Variants in SLC26A5 observed in about 807,000 individuals in gnomAD.
SLC26A5 encodes prestin.
In SLC26A5, 51 loss-of-function variants were observed where a neutral mutation model predicts 81.0. The observed-to-expected ratio is 0.63, with a 90% CI of 0.50 to 0.80. The LOEUF (loss-of-function observed/expected upper bound fraction) is 0.80. Among genes scored for constraint, SLC26A5 ranks in the 30% least tolerant of loss-of-function variants. The probability of loss-of-function intolerance (pLI) is 0.00; values close to 1 mark genes in which losing one functional copy is unlikely to be tolerated. For missense variants in SLC26A5, 771 were observed against 905.8 expected (o/e 0.85, Z 1.91); for synonymous variants, 325 against 332.8 (o/e 0.98, Z 0.25).
intron 19 of SLC26A5, chr7:103,364,348 A>G: frequency 1.2e-6 from 2 of 1,601,994 alleles, no homozygotes; most frequent in Middle Eastern, 1.7e-4. Context: ...CTTGTGAAAG[A>G]TTTTACAGTA....
chr7:103,410,270 T>C, intron 7 of SLC26A5, 115 bp downstream of exon 7: 1 of 914,050 alleles, frequency 1.1e-6, no homozygotes. Context: ...TCCCTTTTTA[T>C]GGAAATTACT....
intron 19 of SLC26A5, among the ~76,000 whole-genome samples, chr7:103,364,999 T>G (rs764466192): frequency 2.5e-5 from 3 of 121,044 alleles, no homozygotes; most frequent in Non-Finnish European, 3.4e-5. Context: ...AGAATAAGTC[T>G]AGGGCTATAT....
In SLC26A5 at chr7:103,393,075, T is replaced by C. The variant is rs1004099690; in HGVS notation, c.972-9A>G. ...TGGCTGGAGGTAGCAGCCTGAAAAG[T>C]CAAGCTGCCTTTAACTTGTGTTGTG... On this transcript the variant is annotated splice_polypyrimidine_tract_variant and intron_variant, in intron 9 of 19. Transcript: ENST00000306312. The C allele has an allele frequency of 1.9e-6, 3 of 1,613,616 alleles. No individual in the cohort carries two copies. Among genetic ancestry groups the C allele is most frequent in the East Asian group, 2.2e-5 (1 of 44,884 alleles).
At chr7:103,438,591 G>A (rs560601761) in intron 2 of SLC26A5, among the ~76,000 whole-genome samples, 1 of 152,046 alleles carries the variant, frequency 6.6e-6, no homozygotes, top group South Asian at 2.1e-4. Context: ...GACTTCAAGC[G>A]ATCCACCCAC....
At chr7:103,445,827 C>G (rs1827264518) in intron 1 of SLC26A5, 1 of 153,194 alleles carries the variant, frequency 6.5e-6, no homozygotes, top group Non-Finnish European at 1.5e-5. Context: ...AGTAAAAATG[C>G]TGTGTGGAGC....
At chr7:103,385,951 A>T (rs1822161097) in intron 14 of SLC26A5, among the ~76,000 whole-genome samples, 1 of 149,184 alleles carries the variant, frequency 6.7e-6, no homozygotes, top group African/African-American at 2.5e-5. Flanking sequence ...TTTTTGAGAT[A>T]GGCTCTCACT....
intron 2 of SLC26A5, among the ~76,000 whole-genome samples, chr7:103,433,087 T>G (rs1826194929): frequency 6.6e-6 from 1 of 152,180 alleles, no homozygotes; most frequent in Non-Finnish European, 1.5e-5. Flanking sequence ...AATACTCTAT[T>G]AATGGACTAG....
At chr7:103,394,312 G>C (rs1822912329) in intron 9 of SLC26A5, among the ~76,000 whole-genome samples, 1 of 152,152 alleles carries the variant, frequency 6.6e-6, no homozygotes, top group Non-Finnish European at 1.5e-5. Flanking sequence ...CCAATTTGTA[G>C]GTGAAAAAAT....
rs536236102 is a variant in SLC26A5 at position 103,397,454 on chromosome 7, T to C, written c.971+478A>G. Among the ~76,000 whole-genome samples, 5 of 136,766 alleles carry C rather than the reference T, an allele frequency of 3.7e-5. No homozygotes were observed. In the South Asian group the frequency reaches 1.1e-3, roughly 31 times the overall value. The allele number at this position is 136,766 out of a possible 152,430, so 89.7% of individuals were successfully genotyped here. On this transcript the variant is annotated intron_variant, in intron 9 of 19. Coordinates refer to ENST00000306312, the MANE Select transcript of SLC26A5 (RefSeq NM_198999.3). ...TGCTCGGGAGGCTGAGGGAGGAGAATGGCATGAACCCAGGAGGCGGAGCTT... is the reference window on the plus strand; with the variant it reads ...TGCTCGGGAGGCTGAGGGAGGAGAACGGCATGAACCCAGGAGGCGGAGCTT...
At chr7:103,445,963 C>G (rs1827281400) in intron 1 of SLC26A5, 135 bp downstream of exon 1, 1 of 152,408 alleles carries the variant, frequency 6.6e-6, no homozygotes, top group Non-Finnish European at 1.5e-5. Context: ...GGAAAAAGCG[C>G]GACATGGGGC....
At chr7:103,406,414 G>A (rs1824055581) in intron 8 of SLC26A5, among the ~76,000 whole-genome samples, 1 of 152,176 alleles carries the variant, frequency 6.6e-6, no homozygotes, top group Admixed American at 6.5e-5. Context: ...GTACCTCACA[G>A]CTTCCCTTGG....
chr7:103,393,893 AATAATT>A (rs1293981097), intron 9 of SLC26A5, among the ~76,000 whole-genome samples: 4 of 152,172 alleles, frequency 2.6e-5, no homozygotes, highest in African/African-American at 9.7e-5. Context: ...AACTGATACT[AATAATT>A]ATAATTATTA....
intron 8 of SLC26A5, among the ~76,000 whole-genome samples, chr7:103,398,900 C>T (rs552186491): frequency 6.6e-6 from 1 of 152,164 alleles, no homozygotes; most frequent in African/African-American, 2.4e-5. Flanking sequence ...CTGTTGATGA[C>T]AATTATTTTC....
chr7:103,375,567 A>T (rs1025906920), intron 19 of SLC26A5, among the ~76,000 whole-genome samples: 1 of 152,032 alleles, frequency 6.6e-6, no homozygotes, highest in South Asian at 2.1e-4. Flanking sequence ...CTTTATGAAG[A>T]TTTCATTTTC....
intron 2 of SLC26A5, chr7:103,435,190 T>A (rs1826361661): frequency 6.6e-6 from 1 of 152,222 alleles, no homozygotes; most frequent in Non-Finnish European, 1.5e-5. Flanking sequence ...TCTTTCTGAA[T>A]AACATCACGC....
rs1563491958 is a variant in SLC26A5, at chr7:103,361,530, A to AAAAG, written c.2042-8608_2042-8605dup. 4.7e-5 allele frequency among the ~76,000 whole-genome samples: 7 copies of AAAAG among 149,740 alleles called. 1 individual carries two copies. The highest frequency in any genetic ancestry group is 3.0e-5 in the Non-Finnish European group (2 of 67,670). ...CATCTCAAAAAAAAAAAAAAAAAAAAAAAGAAAAACGGATTTAAAGTATAA... is the reference window on the plus strand; with the variant it reads ...CATCTCAAAAAAAAAAAAAAAAAAAAAAAGAAAGAAAAACGGATTTAAAGTATAA... On this transcript the variant is annotated intron_variant, in intron 19 of 19. Transcript: ENST00000339444.
chr7:103,410,424 A>G lies in SLC26A5; in HGVS notation c.696T>C (p.Val232=). ...AGATTCCACTGTACCGCTTTGTTTT[A>G]ACTCCAAACAGATATTTTAACATGG... The part of the protein sequence containing the change: ...FTSMLKYLFG[V]KTKRYSGIFS... Residue 232 remains valine, a synonymous_variant, in exon 7 of 20, where the codon GTT becomes GTC. Transcript: ENST00000306312. 6.2e-7 allele frequency: 1 copy of G among 1,614,140 alleles called. No individual in the cohort carries two copies.
At chr7:103,432,918 AG>A (rs1216967200) in intron 2 of SLC26A5, among the ~76,000 whole-genome samples, 1 of 152,062 alleles carries the variant, frequency 6.6e-6, no homozygotes, top group Non-Finnish European at 1.5e-5. Context: ...ATATGGTTTG[AG>A]GCTTCTGAAC....
At chr7:103,371,981 C>G (rs1266044530), downstream of SLC26A5, among the ~76,000 whole-genome samples, 1 of 152,222 alleles carries the variant, frequency 6.6e-6, no homozygotes, top group Non-Finnish European at 1.5e-5. Flanking sequence ...AGGCGTGAGC[C>G]ACCGCACCTG....
Sources: allele counts gnomAD v4.1 joint callset (sites outside exome capture counted in the v4.1 genomes callset), GRCh38; gene constraint gnomAD v4.1.1; transcripts MANE v1.5; gene names NCBI Gene and HGNC (gene_info 2026-07-23, HGNC 2026-07-21).